SACM1L: variants seen among roughly 807,000 people sequenced by gnomAD.
SACM1L encodes the protein SAC1 like phosphatidylinositide phosphatase, also known as phosphatidylinositol-3-phosphatase SAC1.
A neutral mutation model predicts 89.5 loss-of-function variants in SACM1L; 32 were observed. The observed-to-expected ratio is 0.36, with a 90% CI of 0.27 to 0.48. SACM1L has a LOEUF of 0.48. SACM1L is among the 20% of genes least tolerant of loss of function. SACM1L has a pLI of 0.99. For missense variants in SACM1L, 543 were observed against 708.5 expected (o/e 0.77, Z 2.65); for synonymous variants, 213 against 232.8 (o/e 0.92, Z 0.77).
intron 3 of SACM1L, among the ~76,000 whole-genome samples, chr3:45,706,319 C>T (rs1003419193): frequency 6.6e-6 from 1 of 152,130 alleles, no homozygotes; most frequent in African/African-American, 2.4e-5. Context: ...GGTATACTGC[C>T]CCAGCACATT....
At chr3:45,727,442 A>G (rs1275959095) in intron 11 of SACM1L, among the ~76,000 whole-genome samples, 1 of 152,146 alleles carries the variant, frequency 6.6e-6, no homozygotes, top group Non-Finnish European at 1.5e-5. Context: ...AGTTTGTCTT[A>G]GAGAATATTT....
chr3:45,698,827 C>T (rs1338617070), intron 1 of SACM1L, among the ~76,000 whole-genome samples: 3 of 152,020 alleles, frequency 2.0e-5, no homozygotes, highest in South Asian at 2.1e-4. Context: ...AGTGCAGTGG[C>T]GTGATCTCAG....
intron 11 of SACM1L, among the ~76,000 whole-genome samples, chr3:45,725,518 T>G (rs1575404547): frequency 6.6e-6 from 1 of 152,136 alleles, no homozygotes; most frequent in Non-Finnish European, 1.5e-5. Flanking sequence ...ATTGTTAGTA[T>G]ATAGAAATGC....
In SACM1L at chr3:45,706,926, T is replaced by TA. The variant is rs1190281859; in HGVS notation, c.333+20dup. 1 of 1,611,676 alleles carries TA rather than the reference T, an allele frequency of 6.2e-7. No individual in the cohort carries two copies. The highest frequency in any genetic ancestry group is 8.5e-7 in the Non-Finnish European group (1 of 1,178,464). ...TATTCAGGTAAGAACTGGAAATTGT[T>TA]ACTAATTGCAGCGCCCAAAGAAGTA... On this transcript the variant is annotated intron_variant, in intron 4 of 19. Transcript: ENST00000389061.
At chr3:45,713,095 C>T (rs1222304034) in intron 5 of SACM1L, 42 bp from the exon 6 acceptor site, 2 of 1,507,622 alleles carry the variant, frequency 1.3e-6, no homozygotes, top group Non-Finnish European at 1.8e-6. Flanking sequence ...AGAAAGTAAG[C>T]TTGGCAGGAG....
chr3:45,743,461 G>T (rs532971843), intron 19 of SACM1L, 72 bp from the exon 20 acceptor site: 5 of 1,482,416 alleles, frequency 3.4e-6, no homozygotes, highest in Non-Finnish European at 4.5e-6. Context: ...GCCAAAATGT[G>T]CTAAACAGCT....
intron 7 of SACM1L, among the ~76,000 whole-genome samples, chr3:45,717,454 G>C (rs2742397): frequency 0.41 from 63,136 of 152,168 alleles, 14,922 homozygotes; most frequent in Middle Eastern, 0.56. Context: ...CCATGAACCT[G>C]AGAATAGTTA....
intron 18 of SACM1L, 83 bp from the exon 19 acceptor site, chr3:45,739,504 T>C: frequency 5.1e-6 from 6 of 1,186,176 alleles, no homozygotes; most frequent in Admixed American, 1.7e-5. Context: ...TTTATTCTTT[T>C]CCCAAGCAAT....
At chr3:45,730,519 A>G (rs1346527214) in intron 11 of SACM1L, 1 of 152,262 alleles carries the variant, frequency 6.6e-6, no homozygotes, top group African/African-American at 2.4e-5. Flanking sequence ...AAAATGAGAG[A>G]ACAACCCTGT....
intron 11 of SACM1L, among the ~76,000 whole-genome samples, chr3:45,730,249 T>A (rs2125701889): frequency 6.6e-6 from 1 of 152,142 alleles, no homozygotes; most frequent in Admixed American, 6.5e-5. Flanking sequence ...TATGTTTGAT[T>A]ATTATAATAT....
In SACM1L at chr3:45,704,227, C is replaced by T. The variant is rs558719511; in HGVS notation, c.130+692C>T. 5.2e-4 allele frequency among the ~76,000 whole-genome samples: 79 copies of T among 152,122 alleles called. 2 individuals are homozygous for T. The South Asian group carries it at 0.016, about 31-fold the overall frequency. On this transcript the variant is annotated intron_variant, in intron 2 of 19. Transcript: ENST00000389061. ...TCACTTGTTTAAAGATTCTATTCAC[C>T]CCCAGAGTTCTATATTTATTTTTTT... is the stretch of plus-strand genomic sequence containing the variant.
chr3:45,691,473 A>G (rs1192232353), intron 1 of SACM1L, among the ~76,000 whole-genome samples: 1 of 152,176 alleles, frequency 6.6e-6, no homozygotes, highest in Non-Finnish European at 1.5e-5. Context: ...TTGGTAGGAG[A>G]TAGTAGCCAT....
chr3:45,731,978 G>A, intron 12 of SACM1L, 75 bp from the exon 13 acceptor site: 3 of 848,800 alleles, frequency 3.5e-6, no homozygotes, highest in Non-Finnish European at 5.6e-6. Context: ...AGGAAAATCA[G>A]CTTATGAAGG....
chr3:45,707,090 T>C, intron 4 of SACM1L, 183 bp downstream of exon 4: 2 of 491,104 alleles, frequency 4.1e-6, no homozygotes, highest in Non-Finnish European at 6.8e-6. Context: ...CATTTGTTGC[T>C]CTTGTTTTTT....
intron 13 of SACM1L, 70 bp from the exon 14 acceptor site, chr3:45,735,165 T>G: frequency 7.3e-7 from 1 of 1,373,170 alleles, no homozygotes; most frequent in Non-Finnish European, 9.9e-7. Context: ...GAGACCCATG[T>G]TATAAGAGTT....
At chr3:45,732,914 C>T (rs986348107) in intron 13 of SACM1L, among the ~76,000 whole-genome samples, 17 of 152,166 alleles carry the variant, frequency 1.1e-4, no homozygotes, top group Non-Finnish European at 2.2e-4. Context: ...TATAGTAAAA[C>T]CTCTTGGATA....
rs149822282 is a variant in SACM1L at position 45,731,325 on chromosome 3, C to G, written c.946C>G (p.Pro316Ala). ...NLINQKGSEK[P>A]LEQTFATMVS... ...GATTAACCAGAAGGGCTCGGAGAAGCCACTTGAGCAGACATTTGCAACAAT... is the reference window on the plus strand; with the variant it reads ...GATTAACCAGAAGGGCTCGGAGAAGGCACTTGAGCAGACATTTGCAACAAT... Residue 316 changes from proline (P) to alanine (A), a missense_variant, in exon 12 of 20, where the codon CCA becomes GCA. Around this residue, in one of 2 missense-constraint regions of SACM1L, gnomAD observed 370 missense variants for 527.6 expected, o/e 0.70. Coordinates refer to ENST00000389061, the MANE Select transcript of SACM1L (RefSeq NM_014016.5). 53 of 1,612,916 alleles carry G rather than the reference C, an allele frequency of 3.3e-5. No individual in the cohort carries two copies. In the African/African-American group the frequency reaches 6.3e-4, roughly 19 times the overall value.
In SACM1L at chr3:45,745,039, AAAT is replaced by A; in HGVS notation, c.*1375_*1377del. On this transcript the variant is annotated 3_prime_UTR_variant, in exon 20 of 20. Coordinates refer to ENST00000389061, the MANE Select transcript of SACM1L (RefSeq NM_014016.5). ...AGTCGTTACTTTTAGAAACTAAAGG[AAAT>A]AATAGCTGGAAAACCCTCTGTAGTT... is the stretch of plus-strand genomic sequence containing the variant. The A allele has an allele frequency of 6.6e-6, 1 of 152,322 alleles. No individual in the cohort carries two copies. Among genetic ancestry groups the A allele is most frequent in the Non-Finnish European group, 1.5e-5 (1 of 68,024 alleles). The allele number at this position is 152,322 out of a possible 1,614,324, so 9.4% of individuals were successfully genotyped here.
Position 45,737,640 on chromosome 3 carries a change from A to T in SACM1L, c.1297A>T (p.Ile433Phe). The T allele has an allele frequency of 6.3e-7, 1 of 1,592,522 alleles. No individual in the cohort carries two copies. The highest frequency in any genetic ancestry group is 8.5e-7 in the Non-Finnish European group (1 of 1,174,588). Residue 433 changes from isoleucine to phenylalanine, a missense_variant, in exon 15 of 20, where the codon ATT becomes TTT. By Grantham distance (21) the Ile-to-Phe change is conservative (BLOSUM62 0). Transcript: ENST00000389061. Reference sequence around the variant, plus strand: ...TGAAGAACAAGATGAATTTGAGAAGATTTACAAAAATGGTAGGTCATTTCT... The same window carrying T: ...TGAAGAACAAGATGAATTTGAGAAGTTTTACAAAAATGGTAGGTCATTTCT... Reference protein sequence around the residue: ...KLEEQDEFEKIYKNAWADNAN... With the variant: ...KLEEQDEFEKFYKNAWADNAN...
Sources: allele counts gnomAD v4.1 joint callset (sites outside exome capture counted in the v4.1 genomes callset), GRCh38; gene constraint gnomAD v4.1.1; regional missense constraint gnomAD v4.1.1; transcripts MANE v1.5; gene names NCBI Gene and HGNC (gene_info 2026-07-23, HGNC 2026-07-21).